MACROD2: variants seen among roughly 807,000 people sequenced by gnomAD.
MACROD2 encodes ADP-ribose glycohydrolase MACROD2.
In MACROD2, 36 loss-of-function variants were observed where a neutral mutation model predicts 70.4. The ratio of observed to expected loss-of-function variants is 0.51; its 90% CI spans 0.39 to 0.68. MACROD2 has a LOEUF of 0.68. Among genes scored for constraint, MACROD2 ranks in the 30% least tolerant of loss-of-function variants. The pLI is 0.00. For synonymous variants in MACROD2, 172 were observed against 178.8 expected (o/e 0.96, Z 0.30); for missense variants, 496 against 538.4 (o/e 0.92, Z 0.78).
intron 5 of MACROD2, among the ~76,000 whole-genome samples, chr20:14,976,641 C>T (rs1004800767): frequency 6.6e-6 from 1 of 152,098 alleles, no homozygotes; most frequent in African/African-American, 2.4e-5. Flanking sequence ...TAGCCTACCT[C>T]GGTTGGTTTC....
At chr20:14,966,318 A>G (rs570455207) in intron 5 of MACROD2, among the ~76,000 whole-genome samples, 2 of 152,180 alleles carry the variant, frequency 1.3e-5, no homozygotes, top group Non-Finnish European at 2.9e-5. Flanking sequence ...GAACATGCCT[A>G]TAATCCCAGC....
At chr20:15,420,953 T>G (rs374453712) in intron 6 of MACROD2, among the ~76,000 whole-genome samples, 3 of 152,076 alleles carry the variant, frequency 2.0e-5, no homozygotes, top group Non-Finnish European at 4.4e-5. Context: ...CCAGGCATAG[T>G]GGTGCGTGCC....
chr20:14,126,958 T>C (rs1418079729), intron 3 of MACROD2, among the ~76,000 whole-genome samples: 3 of 152,156 alleles, frequency 2.0e-5, no homozygotes, highest in Non-Finnish European at 4.4e-5. Flanking sequence ...TGCAGTGGCC[T>C]CTAAGTGTTC....
intron 8 of MACROD2, among the ~76,000 whole-genome samples, chr20:15,600,450 AG>A (rs543533533): frequency 9.0e-4 from 137 of 152,346 alleles, no homozygotes; most frequent in African/African-American, 3.1e-3. Context: ...TCATCAAAAA[AG>A]TTACCTGTAA....
At chr20:14,340,385 C>T (rs1027633861) in intron 3 of MACROD2, among the ~76,000 whole-genome samples, 3 of 151,982 alleles carry the variant, frequency 2.0e-5, no homozygotes, top group Admixed American at 6.6e-5. Flanking sequence ...CTCAATAAGA[C>T]GATAGCTGTC....
chr20:15,404,668 C>T (rs1459803511), intron 6 of MACROD2, among the ~76,000 whole-genome samples: 1 of 152,224 alleles, frequency 6.6e-6, no homozygotes, highest in Non-Finnish European at 1.5e-5. Flanking sequence ...CCCACTTCTG[C>T]ACACTAACTT....
At chr20:15,622,392 G>C (rs772993760) in intron 8 of MACROD2, among the ~76,000 whole-genome samples, 5 of 152,136 alleles carry the variant, frequency 3.3e-5, no homozygotes, top group Non-Finnish European at 7.3e-5. Flanking sequence ...AAGTCAACTT[G>C]AGTCCAAAAA....
At chr20:15,182,558 A>G (rs963437900) in intron 5 of MACROD2, among the ~76,000 whole-genome samples, 1 of 152,196 alleles carries the variant, frequency 6.6e-6, no homozygotes, top group Non-Finnish European at 1.5e-5. Flanking sequence ...ATTTATATCA[A>G]TAAGCCAAAA....
intron 8 of MACROD2, among the ~76,000 whole-genome samples, chr20:15,861,685 AC>A (rs1378090667): frequency 1.3e-5 from 2 of 149,500 alleles, no homozygotes; most frequent in East Asian, 3.9e-4. Context: ...ATTGTTTATA[AC>A]CCAGCCCCTA....
At chr20:15,135,081 C>T (rs890595591) in intron 5 of MACROD2, among the ~76,000 whole-genome samples, 2 of 151,872 alleles carry the variant, frequency 1.3e-5, no homozygotes, top group Non-Finnish European at 2.9e-5. Flanking sequence ...AATAACTTAC[C>T]AACCAAAAAG....
chr20:14,219,269 A>C (rs966510572), intron 3 of MACROD2, among the ~76,000 whole-genome samples: 1 of 152,008 alleles, frequency 6.6e-6, no homozygotes, highest in African/African-American at 2.4e-5. Context: ...GCTTGGGTTA[A>C]TTTGAAGACC....
chr20:15,383,430 CT>C (rs1183308420), intron 6 of MACROD2, among the ~76,000 whole-genome samples: 1 of 152,168 alleles, frequency 6.6e-6, no homozygotes, highest in Non-Finnish European at 1.5e-5. Flanking sequence ...CCCAAGTTCC[CT>C]GAGTTAAGAA....
chr20:15,051,926 T>C (rs1032001086), intron 5 of MACROD2, among the ~76,000 whole-genome samples: 3 of 152,058 alleles, frequency 2.0e-5, no homozygotes, highest in African/African-American at 7.2e-5. Context: ...TAATTTTTTG[T>C]GTTTTTAGTA....
chr20:15,463,714 A>G (rs1018209341), intron 7 of MACROD2, among the ~76,000 whole-genome samples: 1 of 152,164 alleles, frequency 6.6e-6, no homozygotes, highest in Non-Finnish European at 1.5e-5. Context: ...GTGCCACTGC[A>G]CTCCAGCCTG....
rs568908019 is a variant in MACROD2 at position 15,863,177 on chromosome 20, A to T, written c.727+351A>T. Among the ~76,000 whole-genome samples the T allele has an allele frequency of 2.0e-5, 3 of 152,236 alleles. No individual in the cohort carries two copies. The South Asian group carries it at 6.2e-4, about 32-fold the overall frequency. On this transcript the variant is annotated intron_variant, in intron 9 of 17. Coordinates refer to ENST00000684519, the MANE Select transcript of MACROD2 (RefSeq NM_001351661.2). ...CCAACTTGTAAGTTTACCAGGCCCC[A>T]TGCCTGCATCTACCATGTTAAATAC...
chr20:14,621,438 C>T (rs543006523), intron 4 of MACROD2, among the ~76,000 whole-genome samples: 3 of 152,176 alleles, frequency 2.0e-5, no homozygotes, highest in African/African-American at 7.2e-5. Context: ...GAAATGATCT[C>T]CTTTTTAAAA....
intron 4 of MACROD2, among the ~76,000 whole-genome samples, chr20:14,565,945 T>G (rs1285807449): frequency 6.6e-6 from 1 of 152,002 alleles, no homozygotes; most frequent in Admixed American, 6.6e-5. Context: ...GATTTGTTGA[T>G]GCCTTTAATC....
chr20:15,493,972 A>G (rs1362938010), intron 7 of MACROD2, among the ~76,000 whole-genome samples: 1 of 152,208 alleles, frequency 6.6e-6, no homozygotes, highest in Non-Finnish European at 1.5e-5. Context: ...TGTCTCTTTT[A>G]TTTAAATTGT....
At chr20:14,769,178 C>T (rs897552851) in intron 5 of MACROD2, among the ~76,000 whole-genome samples, 12 of 152,008 alleles carry the variant, frequency 7.9e-5, no homozygotes, top group African/African-American at 1.9e-4. Flanking sequence ...GAAGGTCTAC[C>T]CCAGGGTAGT....
Sources: gnomAD v4.1 joint callset for allele counts (sites outside exome capture counted in the v4.1 genomes callset) on GRCh38, gnomAD v4.1.1 for gene constraint, MANE v1.5 for transcripts, NCBI Gene and HGNC (gene_info 2026-07-23, HGNC 2026-07-21) for gene names.